HNRNPC: variants seen among roughly 807,000 people sequenced by gnomAD.
HNRNPC encodes heterogeneous nuclear ribonucleoprotein C.
A neutral mutation model predicts 33.2 loss-of-function variants in HNRNPC; 3 were observed. That is an observed-to-expected ratio of 0.09 (90% CI 0.04 to 0.23). The LOEUF is 0.23. Among genes scored for constraint, HNRNPC ranks in the 10% least tolerant of loss-of-function variants. The probability of loss-of-function intolerance (pLI) is 1.00; values close to 1 mark genes in which losing one functional copy is unlikely to be tolerated. For synonymous variants in HNRNPC, 121 were observed against 126.7 expected (o/e 0.96, Z 0.30); for missense variants, 143 against 366.7 (o/e 0.39, Z 4.98).
At chr14:21,266,341 C>G (rs769982354) in intron 1 of HNRNPC, among the ~76,000 whole-genome samples, 1 of 152,020 alleles carries the variant, frequency 6.6e-6, no homozygotes, top group Non-Finnish European at 1.5e-5. Context: ...CCTCGTGATC[C>G]ACCCGCCTCA....
At chr14:21,227,145 A>T (rs1163444615) in intron 5 of HNRNPC, among the ~76,000 whole-genome samples, 1 of 151,956 alleles carries the variant, frequency 6.6e-6, no homozygotes, top group Non-Finnish European at 1.5e-5. Context: ...CCCAGGTCCA[A>T]ATTGACCTAA....
chr14:21,253,040 G>A (rs1170643979), intron 2 of HNRNPC, among the ~76,000 whole-genome samples: 2 of 151,370 alleles, frequency 1.3e-5, no homozygotes, highest in East Asian at 3.9e-4. Context: ...CGGGCGTGGT[G>A]GAGCGTAACT....
intron 2 of HNRNPC, among the ~76,000 whole-genome samples, chr14:21,248,025 T>G (rs1896195681): frequency 6.6e-6 from 1 of 151,778 alleles, no homozygotes; most frequent in South Asian, 2.1e-4. Context: ...CATCACAAAT[T>G]CAAGCCATGT....
At chr14:21,219,699 G>A (rs1453228521) in intron 5 of HNRNPC, among the ~76,000 whole-genome samples, 1 of 151,766 alleles carries the variant, frequency 6.6e-6, no homozygotes, top group Non-Finnish European at 1.5e-5. Context: ...AGTACCCCCA[G>A]AATCTCTCTT....
intron 2 of HNRNPC, among the ~76,000 whole-genome samples, chr14:21,254,894 CCTGGGCAACAGAGCGAGA>C: frequency 6.6e-6 from 1 of 151,174 alleles, no homozygotes; most frequent in South Asian, 2.1e-4. Flanking sequence ...TGCACTCCAG[CCTGGGCAACAGAGCGAGA>C]CTCTAGTCTC....
intron 2 of HNRNPC, among the ~76,000 whole-genome samples, chr14:21,236,681 T>G (rs1263413803): frequency 6.6e-6 from 1 of 152,196 alleles, no homozygotes; most frequent in African/African-American, 2.4e-5. Context: ...CAAGTCACAC[T>G]TCATTCTACT....
chr14:21,213,551 A>G (rs1028064941), intron 5 of HNRNPC: 1 of 158,616 alleles, frequency 6.3e-6, no homozygotes, highest in Non-Finnish European at 1.4e-5. Context: ...AAGGGTATAT[A>G]AACAGTGGTA....
At chr14:21,215,666 G>A (rs767230445) in intron 5 of HNRNPC, among the ~76,000 whole-genome samples, 1 of 152,052 alleles carries the variant, frequency 6.6e-6, no homozygotes, top group African/African-American at 2.4e-5. Flanking sequence ...TTTGGGAGGC[G>A]GAGGCAGGTG....
At chr14:21,261,867 T>G (rs1878305291) in intron 2 of HNRNPC, among the ~76,000 whole-genome samples, 1 of 152,252 alleles carries the variant, frequency 6.6e-6, no homozygotes, top group South Asian at 2.1e-4. Context: ...TCTCTTTGGC[T>G]ATCCACATCT....
At chr14:21,263,027 G>T (rs1243873348) in intron 2 of HNRNPC, 1 of 152,014 alleles carries the variant, frequency 6.6e-6, no homozygotes, top group African/African-American at 2.4e-5. Context: ...GGTTGGGAGA[G>T]AAAAGGTTTA....
intron 1 of HNRNPC, among the ~76,000 whole-genome samples, chr14:21,265,903 T>C (rs1878893799): frequency 6.6e-6 from 1 of 152,150 alleles, no homozygotes. Flanking sequence ...TCAGAATGAG[T>C]GATGCATGAG....
At chr14:21,222,000 C>T (rs1489880311) in intron 5 of HNRNPC, among the ~76,000 whole-genome samples, 1 of 123,212 alleles carries the variant, frequency 8.1e-6, no homozygotes, top group Non-Finnish European at 1.6e-5. Flanking sequence ...GAGATCACAC[C>T]ACTGCACTCC....
chr14:21,213,305 A>C, intron 5 of HNRNPC, 188 bp from the exon 6 acceptor site: 1 of 583,000 alleles, frequency 1.7e-6, no homozygotes, highest in South Asian at 2.2e-5. Flanking sequence ...TTCTTTACCT[A>C]GGCACATAAA....
At chr14:21,238,179 T>G (rs941903205) in intron 2 of HNRNPC, among the ~76,000 whole-genome samples, 8 of 152,224 alleles carry the variant, frequency 5.3e-5, no homozygotes, top group African/African-American at 1.9e-4. Flanking sequence ...AGATCTAAAT[T>G]ACTTGGTCAT....
intron 5 of HNRNPC, among the ~76,000 whole-genome samples, chr14:21,227,649 A>G (rs938444878): frequency 1.3e-5 from 2 of 152,156 alleles, no homozygotes; most frequent in Admixed American, 1.3e-4. Flanking sequence ...TGCAAACGTG[A>G]TTTCTTTAGA....
chr14:21,256,101 T>C (rs1877150338), intron 2 of HNRNPC, among the ~76,000 whole-genome samples: 1 of 152,188 alleles, frequency 6.6e-6, no homozygotes, highest in South Asian at 2.1e-4. Flanking sequence ...AGAAAAATTT[T>C]TGACTTCAAT....
intron 1 of HNRNPC, chr14:21,264,244 A>G (rs535473042): frequency 6.6e-6 from 1 of 152,316 alleles, no homozygotes; most frequent in East Asian, 1.9e-4. Flanking sequence ...AGTTTTTGCT[A>G]TGAGTAATAG....
At chr14:21,230,881 T>A in intron 4 of HNRNPC, 116 bp downstream of exon 4, 1 of 1,181,922 alleles carries the variant, frequency 8.5e-7, no homozygotes, top group Non-Finnish European at 1.2e-6. Context: ...CACTTAAACC[T>A]CCCCACACCC....
At chr14:21,246,570 A>C (rs1226669370) in intron 2 of HNRNPC, among the ~76,000 whole-genome samples, 2 of 151,494 alleles carry the variant, frequency 1.3e-5, no homozygotes, top group African/African-American at 4.9e-5. Context: ...CCGTCTCAAA[A>C]AAAAAAAAAA....
Sources: gnomAD v4.1 joint callset for allele counts (sites outside exome capture counted in the v4.1 genomes callset) on GRCh38, gnomAD v4.1.1 for gene constraint, MANE v1.5 for transcripts, NCBI Gene and HGNC (gene_info 2026-07-23, HGNC 2026-07-21) for gene names.